Variants in GATA4 observed in about 807,000 individuals in gnomAD.
GATA4 encodes the protein GATA binding protein 4.
Under a neutral mutation model 37.9 loss-of-function variants are expected in GATA4, and 7 were observed. The ratio of observed to expected loss-of-function variants is 0.18; its 90% CI spans 0.11 to 0.35. GATA4 has a LOEUF of 0.35. Ranked by LOEUF, GATA4 falls within the 10% of genes least tolerant of loss-of-function variation. The pLI is 1.00. For synonymous variants in GATA4, 372 were observed against 292.6 expected (o/e 1.27, Z -2.77); for missense variants, 647 against 653.0 (o/e 0.99, Z 0.10).
intron 1 of GATA4, among the ~76,000 whole-genome samples, chr8:11,684,155 C>A (rs572704701): frequency 2.6e-5 from 4 of 152,180 alleles, no homozygotes; most frequent in Non-Finnish European, 4.4e-5. Flanking sequence ...AAACTAAAGC[C>A]CCTGAAACCT....
chr8:11,724,801 C>T (rs910363677), intron 2 of GATA4, among the ~76,000 whole-genome samples: 15 of 152,340 alleles, frequency 9.8e-5, no homozygotes, highest in African/African-American at 3.6e-4. Context: ...AGAGGCCTAA[C>T]CCAGCCTTGG....
intron 2 of GATA4, among the ~76,000 whole-genome samples, chr8:11,746,135 G>T (rs571349574): frequency 2.5e-3 from 387 of 152,104 alleles, no homozygotes; most frequent in Non-Finnish European, 4.2e-3. Flanking sequence ...GCTGGGGATG[G>T]TAGCGTGTGC....
upstream of GATA4, chr8:11,700,622 C>G (rs1429850278): frequency 6.6e-6 from 1 of 152,298 alleles, no homozygotes; most frequent in Non-Finnish European, 1.5e-5. Context: ...AGGAGTATCG[C>G]AGACCGGCGC....
intron 1 of GATA4, among the ~76,000 whole-genome samples, chr8:11,684,323 C>G (rs748190577): frequency 4.0e-4 from 61 of 152,212 alleles, no homozygotes; most frequent in Non-Finnish European, 3.2e-4. Flanking sequence ...AGCTGGGTGA[C>G]CTTGAGTAAG....
At chr8:11,712,984 A>C (rs1396962664) in intron 2 of GATA4, among the ~76,000 whole-genome samples, 2 of 152,244 alleles carry the variant, frequency 1.3e-5, no homozygotes, top group East Asian at 3.8e-4. Context: ...AATAGGTAAA[A>C]CTATACAGAC....
chr8:11,754,675 GCCCCTCCTTCCCACTCCTCA>G (rs998578230), intron 4 of GATA4, among the ~76,000 whole-genome samples: 1 of 152,130 alleles, frequency 6.6e-6, no homozygotes, highest in African/African-American at 2.4e-5. Context: ...ATCCTCACGT[GCCCCTCCTTCCCACTCCTCA>G]CCCCAGGACA....
At position 11,759,398 on chromosome 8, in the gene GATA4, G is replaced by C. The variant is rs1802775329; in HGVS notation, c.*923G>C. On this transcript the variant is annotated 3_prime_UTR_variant, in exon 7 of 7. Transcript: ENST00000532059. ...GGTCCTTCTGGGGAGAGTGTAAGTG[G>C]ACAGAGTCCTGGTCAGGGGGCAGGA... 6.6e-6 allele frequency: 1 copy of C among 152,620 alleles called. No homozygotes were observed. The highest frequency in any genetic ancestry group is 2.4e-5 in the African/African-American group (1 of 41,470). 9.5% of individuals were successfully genotyped at this position (152,620 alleles called of 1,614,324 possible).
chr8:11,692,735 G>C, intron 1 of GATA4: 1 of 984,234 alleles, frequency 1.0e-6, no homozygotes, highest in Non-Finnish European at 1.2e-6. Flanking sequence ...CAGGCGCCGG[G>C]ACCCACGCGA....
intron 1 of GATA4, among the ~76,000 whole-genome samples, chr8:11,683,791 T>G (rs1799054068): frequency 6.6e-6 from 1 of 152,170 alleles, no homozygotes. Context: ...CTAGCCAGCC[T>G]TCCATTCAGT....
chr8:11,719,537 A>C (rs1201959033), intron 2 of GATA4, among the ~76,000 whole-genome samples: 3 of 152,162 alleles, frequency 2.0e-5, no homozygotes, highest in Admixed American at 2.0e-4. Context: ...TATGAAACTC[A>C]ATGTATATTT....
chr8:11,682,802 G>A (rs1407517553), intron 1 of GATA4, among the ~76,000 whole-genome samples: 1 of 152,182 alleles, frequency 6.6e-6, no homozygotes, highest in East Asian at 1.9e-4. Flanking sequence ...AACACCTCTT[G>A]GCCGTGGCGA....
chr8:11,718,700 G>A (rs1172163961), intron 2 of GATA4, among the ~76,000 whole-genome samples: 1 of 152,182 alleles, frequency 6.6e-6, no homozygotes, highest in Non-Finnish European at 1.5e-5. Flanking sequence ...AATCTAATCA[G>A]TCCTTAAGTT....
intron 2 of GATA4, among the ~76,000 whole-genome samples, chr8:11,736,519 A>T (rs1024986164): frequency 2.0e-5 from 3 of 152,198 alleles, no homozygotes; most frequent in African/African-American, 7.2e-5. Context: ...GCATCAGGAG[A>T]GCCCTGAGCA....
intron 2 of GATA4, among the ~76,000 whole-genome samples, chr8:11,721,716 G>A (rs1164300570): frequency 6.6e-6 from 1 of 152,198 alleles, no homozygotes; most frequent in Non-Finnish European, 1.5e-5. Context: ...TGGGAAGGAA[G>A]AGGAGTGTTC....
rs781143539 is a variant in GATA4, at chr8:11,750,191, C to T, written c.867C>T (p.Gly289=). Residue 289 remains glycine, a synonymous_variant, in exon 4 of 7, where the codon GGC becomes GGT. Transcript: ENST00000532059. The part of the protein sequence containing the change: ...TTTLWRRNAE[G]EPVCNACGLY... ...CGCTGTGGCGCCGCAATGCGGAGGG[C>T]GAGCCTGTGTGCAATGCCTGCGGCC... 25 of 1,613,188 alleles carry T rather than the reference C, an allele frequency of 1.5e-5. No individual in the cohort carries two copies. In the African/African-American group the frequency reaches 2.0e-4, roughly 13 times the overall value.
At chr8:11,739,672 G>A (rs1801629400) in intron 2 of GATA4, among the ~76,000 whole-genome samples, 1 of 147,706 alleles carries the variant, frequency 6.8e-6, no homozygotes, top group African/African-American at 2.6e-5. Context: ...TCGTCATTTC[G>A]GCCGCCTCAT....
intron 1 of GATA4, among the ~76,000 whole-genome samples, chr8:11,681,885 G>C (rs1798985295): frequency 1.3e-5 from 2 of 152,174 alleles, no homozygotes; most frequent in South Asian, 4.1e-4. Flanking sequence ...TGCGCCTTCA[G>C]ATGTGGTCTG....
At chr8:11,745,411 CA>C (rs3030049) in intron 2 of GATA4, among the ~76,000 whole-genome samples, 14,127 of 102,976 alleles carry the variant, frequency 0.14, 711 homozygotes, top group East Asian at 0.28. Flanking sequence ...TTGTCTCTAC[CA>C]AAAAAAAAAA....
At chr8:11,702,072 G>A (rs1799694554), upstream of GATA4, among the ~76,000 whole-genome samples, 1 of 152,210 alleles carries the variant, frequency 6.6e-6, no homozygotes, top group Non-Finnish European at 1.5e-5. The surrounding 1 kb of genome is among the most constrained non-coding windows in gnomAD (Gnocchi z 4.4). Context: ...TTGAAGTTTA[G>A]GGAGGATGGG....
Sources: gnomAD v4.1 joint callset for allele counts (sites outside exome capture counted in the v4.1 genomes callset) on GRCh38, gnomAD v4.1.1 for gene constraint, Gnocchi (gnomAD v3.1) non-coding constraint, MANE v1.5 for transcripts, NCBI Gene and HGNC (gene_info 2026-07-23, HGNC 2026-07-21) for gene names.